The following SYT1 variants were observed in gnomAD, a reference collection of about 807,000 sequenced individuals.
The protein encoded by SYT1 is synaptotagmin 1.
SYT1 carries 8 observed loss-of-function variants against 44.8 expected under a neutral mutation model. The ratio of observed to expected loss-of-function variants is 0.18; its 90% confidence interval spans 0.10 to 0.32. The LOEUF is 0.32. SYT1 is among the 10% of genes least tolerant of loss of function. The pLI is 1.00. For synonymous variants in SYT1, 154 were observed against 188.8 expected (o/e 0.82, Z 1.51); for missense variants, 286 against 509.3 (o/e 0.56, Z 4.22).
intron 4 of SYT1, among the ~76,000 whole-genome samples, chr12:79,257,573 C>T (rs954863218): frequency 1.3e-5 from 2 of 152,152 alleles, no homozygotes; most frequent in African/African-American, 4.8e-5. Flanking sequence ...CTGCAAGCTC[C>T]GCCTCCCGGG....
Position 79,448,905 on chromosome 12 carries a change from T to C in SYT1, c.1063-13T>C. 1 of 1,613,670 alleles carries C rather than the reference T, an allele frequency of 6.2e-7. No individual in the cohort carries two copies. Among genetic ancestry groups the C allele is most frequent in the Non-Finnish European group, 8.5e-7 (1 of 1,179,626 alleles). On this transcript the variant is annotated splice_polypyrimidine_tract_variant and intron_variant, in intron 10 of 10. Transcript: ENST00000261205. ...AGCTAGATGATTCATATTCATTTCA[T>C]GGCTTCTTTCAGAAAGTGCAGGTGG...
chr12:79,434,514 C>A (rs1188148703), intron 9 of SYT1, among the ~76,000 whole-genome samples: 1 of 152,118 alleles, frequency 6.6e-6, no homozygotes, highest in Non-Finnish European at 1.5e-5. Context: ...GCTCTGTGAG[C>A]CCTATTAATA....
chr12:79,131,838 C>T (rs1868842640), intron 3 of SYT1, among the ~76,000 whole-genome samples: 1 of 151,926 alleles, frequency 6.6e-6, no homozygotes, highest in East Asian at 1.9e-4. Context: ...ATATGAAAAA[C>T]TAATAGGAAT....
intron 1 of SYT1, among the ~76,000 whole-genome samples, chr12:78,941,852 G>T (rs1878394962): frequency 6.6e-6 from 1 of 152,146 alleles, no homozygotes; most frequent in African/African-American, 2.4e-5. Flanking sequence ...ACCAGTTGGG[G>T]GTGAAAAGAG....
chr12:79,395,216 T>G (rs1374269777), intron 9 of SYT1, among the ~76,000 whole-genome samples: 12 of 152,066 alleles, frequency 7.9e-5, no homozygotes, highest in Non-Finnish European at 1.5e-5. Context: ...TTTGGTTTTT[T>G]GGTTTTTTGG....
At chr12:79,128,690 A>G (rs1005097308) in intron 3 of SYT1, among the ~76,000 whole-genome samples, 1 of 152,256 alleles carries the variant, frequency 6.6e-6, no homozygotes, top group Admixed American at 6.5e-5. Flanking sequence ...TACTGAGTTG[A>G]TGGGTGCAAC....
At chr12:79,064,971 A>AGAAAGAAAGAAAGAAGGAAG (rs1565789415) in intron 3 of SYT1, among the ~76,000 whole-genome samples, 2 of 149,232 alleles carry the variant, frequency 1.3e-5, no homozygotes, top group African/African-American at 5.1e-5. Context: ...AAAGAAAGAA[A>AGAAAGAAAGAAAGAAGGAAG]GAAAGAAAGA....
At chr12:79,099,039 G>A (rs1878303435) in intron 3 of SYT1, among the ~76,000 whole-genome samples, 1 of 152,090 alleles carries the variant, frequency 6.6e-6, no homozygotes, top group South Asian at 2.1e-4. Context: ...CACAGGAAAG[G>A]AGGAAATAAA....
intron 9 of SYT1, among the ~76,000 whole-genome samples, chr12:79,419,684 G>T (rs764899906): frequency 1.2e-4 from 18 of 152,014 alleles, no homozygotes; most frequent in Non-Finnish European, 2.5e-4. Flanking sequence ...GAAGACTCTT[G>T]TACCTATCAC....
rs756307686 is a variant in SYT1 at position 79,200,562 on chromosome 12, G to A, written c.-17-16941G>A. 5.1e-4 allele frequency among the ~76,000 whole-genome samples: 78 copies of A among 152,152 alleles called. 1 individual carries two copies. Among genetic ancestry groups the A allele is most frequent in the Admixed American group, 9.8e-4 (15 of 15,266 alleles). The stretch of plus-strand genomic sequence containing the variant: ...CTCTGCCAGACAGAAAATGCTGTCC[G>A]CTCCCAGAAAAATTCCTCCTTTACC... On this transcript the variant is annotated intron_variant, in intron 3 of 10. Transcript: ENST00000261205.
intron 3 of SYT1, among the ~76,000 whole-genome samples, chr12:79,132,860 T>C (rs1307081718): frequency 6.6e-6 from 1 of 152,034 alleles, no homozygotes; most frequent in Non-Finnish European, 1.5e-5. Flanking sequence ...GTGTTCATCA[T>C]TGAATGAATA....
intron 4 of SYT1, among the ~76,000 whole-genome samples, chr12:79,226,658 C>T (rs899852478): frequency 6.6e-6 from 1 of 152,036 alleles, no homozygotes; most frequent in African/African-American, 2.4e-5. Flanking sequence ...TGTTAGAAAA[C>T]ACTGCATCAT....
intron 3 of SYT1, among the ~76,000 whole-genome samples, chr12:79,131,282 T>C (rs776245314): frequency 5.3e-5 from 8 of 152,162 alleles, no homozygotes; most frequent in Admixed American, 6.5e-5. Context: ...TAAAGTTTTT[T>C]TAGAGAGGGT....
chr12:79,074,149 T>C (rs556427642), intron 3 of SYT1, among the ~76,000 whole-genome samples: 6 of 152,326 alleles, frequency 3.9e-5, no homozygotes, highest in African/African-American at 1.4e-4. Context: ...GTGGATTTAC[T>C]AGTAATTAAT....
At chr12:79,322,124 C>T (rs1163307576) in intron 8 of SYT1, among the ~76,000 whole-genome samples, 3 of 152,134 alleles carry the variant, frequency 2.0e-5, no homozygotes, top group Non-Finnish European at 4.4e-5. Flanking sequence ...GCCCCATTTC[C>T]AGTTGAAATC....
intron 1 of SYT1, among the ~76,000 whole-genome samples, chr12:78,913,910 C>A (rs1195963265): frequency 6.6e-6 from 1 of 151,618 alleles, no homozygotes. Flanking sequence ...ATTTAAGTAT[C>A]TTGGGAAAAA....
At chr12:79,194,343 T>C (rs1873312974) in intron 3 of SYT1, among the ~76,000 whole-genome samples, 2 of 152,260 alleles carry the variant, frequency 1.3e-5, no homozygotes, top group South Asian at 4.2e-4. Flanking sequence ...ATAATGTAAC[T>C]ACTGCAGTGG....
intron 3 of SYT1, among the ~76,000 whole-genome samples, chr12:79,178,982 A>C (rs1490082090): frequency 2.7e-5 from 3 of 112,116 alleles, no homozygotes; most frequent in South Asian, 5.1e-4. Flanking sequence ...ATAGATATAG[A>C]TATATCTATA....
intron 3 of SYT1, among the ~76,000 whole-genome samples, chr12:79,197,022 T>C (rs1873504722): frequency 6.6e-6 from 1 of 152,242 alleles, no homozygotes; most frequent in Admixed American, 6.5e-5. Context: ...TTCATGGTTT[T>C]GGAAGGCTGC....
Sources: allele counts gnomAD v4.1 joint callset (sites outside exome capture counted in the v4.1 genomes callset), GRCh38; gene constraint gnomAD v4.1.1; transcripts MANE v1.5; gene names NCBI Gene and HGNC (gene_info 2026-07-23, HGNC 2026-07-21).